The following CADM1 variants were observed in gnomAD, a reference collection of about 807,000 sequenced individuals.
CADM1 encodes the protein TSLC-1.
In CADM1, 15 loss-of-function variants were observed where a neutral mutation model predicts 53.1. The ratio of observed to expected loss-of-function variants is 0.28; its 90% CI spans 0.19 to 0.44. The LOEUF (loss-of-function observed/expected upper bound fraction) is 0.44, where lower values mean the gene tolerates loss of function less well. CADM1 is among the 20% of genes least tolerant of loss of function. The pLI, the probability that CADM1 is intolerant of heterozygous loss-of-function variation, is 1.00. For synonymous variants in CADM1, 281 were observed against 243.0 expected (o/e 1.16, Z -1.45); for missense variants, 434 against 611.3 (o/e 0.71, Z 3.06).
At chr11:115,344,060 C>T (rs967196351) in intron 1 of CADM1, among the ~76,000 whole-genome samples, 7 of 147,216 alleles carry the variant, frequency 4.8e-5, no homozygotes, top group African/African-American at 7.6e-5. Context: ...CCCAAACACT[C>T]ACCTACTTCC....
chr11:115,420,800 C>T (rs531418875), intron 1 of CADM1, among the ~76,000 whole-genome samples: 3 of 152,254 alleles, frequency 2.0e-5, no homozygotes, highest in East Asian at 3.9e-4. Context: ...AAGGCTGTTT[C>T]GTTCTCCTGA....
At chr11:115,433,492 C>T (rs977188095) in intron 1 of CADM1, among the ~76,000 whole-genome samples, 4 of 151,988 alleles carry the variant, frequency 2.6e-5, no homozygotes, top group Admixed American at 1.3e-4. Context: ...GGAGTTTTAC[C>T]GAAAACGGCA....
intron 1 of CADM1, among the ~76,000 whole-genome samples, chr11:115,289,530 C>G (rs187058166): frequency 6.1e-4 from 93 of 151,510 alleles, no homozygotes; most frequent in African/African-American, 2.2e-3. Flanking sequence ...GGTAGTCACT[C>G]AACATATGGG....
rs1938794201 is a variant in CADM1 at position 115,171,627 on chromosome 11, A to T, written c.*4847T>A. ...CGGCTTCTAGCACCTTCTCATTTGC[A>T]TACCCTGTGGAGCTCAAAAGGCAAA... On this transcript the variant is annotated 3_prime_UTR_variant, in exon 12 of 12. Coordinates refer to ENST00000331581, the MANE Select transcript of CADM1 (RefSeq NM_001301043.2). The T allele has an allele frequency of 6.6e-6, 1 of 152,176 alleles. No homozygotes were observed. Among genetic ancestry groups the T allele is most frequent in the Non-Finnish European group, 1.5e-5 (1 of 68,030 alleles). 9.4% of individuals were successfully genotyped at this position (152,176 alleles called of 1,614,324 possible). A position where few individuals can be genotyped will look rare whatever the true frequency, so the allele number is the denominator to read the frequency against.
chr11:115,404,236 G>C (rs1255676473), intron 1 of CADM1, among the ~76,000 whole-genome samples: 1 of 147,034 alleles, frequency 6.8e-6, no homozygotes, highest in Non-Finnish European at 1.5e-5. Flanking sequence ...TGAGGCAGGA[G>C]AATTGCTTGA....
At chr11:115,185,816 AT>A (rs1403898005) in intron 10 of CADM1, among the ~76,000 whole-genome samples, 2 of 152,220 alleles carry the variant, frequency 1.3e-5, no homozygotes, top group African/African-American at 2.4e-5. Context: ...GTTGTCGAGT[AT>A]TTCCAAACAT....
At chr11:115,280,510 A>G (rs1943557957) in intron 1 of CADM1, among the ~76,000 whole-genome samples, 1 of 152,252 alleles carries the variant, frequency 6.6e-6, no homozygotes, top group Non-Finnish European at 1.5e-5. Flanking sequence ...GGAAACAGAA[A>G]GAACAGGGGA....
At chr11:115,254,232 A>G (rs982164099) in intron 1 of CADM1, among the ~76,000 whole-genome samples, 4 of 152,356 alleles carry the variant, frequency 2.6e-5, no homozygotes, top group African/African-American at 9.6e-5. Context: ...GAATAAAATT[A>G]CTAAATGATA....
chr11:115,308,514 T>C (rs1263081901), intron 1 of CADM1, among the ~76,000 whole-genome samples: 1 of 152,014 alleles, frequency 6.6e-6, no homozygotes, highest in East Asian at 1.9e-4. Context: ...AATTTCCATT[T>C]CATGCAAAGC....
intron 1 of CADM1, among the ~76,000 whole-genome samples, chr11:115,314,441 G>T (rs1159306442): frequency 6.6e-6 from 1 of 152,154 alleles, no homozygotes; most frequent in Non-Finnish European, 1.5e-5. Flanking sequence ...CAAAGGACAT[G>T]CTTCACTATA....
chr11:115,361,875 A>C (rs1358729741), intron 1 of CADM1, among the ~76,000 whole-genome samples: 4 of 148,258 alleles, frequency 2.7e-5, no homozygotes, highest in Non-Finnish European at 6.0e-5. Context: ...ATGGGTGTGC[A>C]CCACCACACC....
chr11:115,491,127 T>C (rs748072817), intron 1 of CADM1, among the ~76,000 whole-genome samples: 11 of 152,106 alleles, frequency 7.2e-5, no homozygotes, highest in Non-Finnish European at 1.2e-4. Context: ...GAGGCATTTA[T>C]TTGCCAACTT....
intron 1 of CADM1, among the ~76,000 whole-genome samples, chr11:115,339,259 C>T (rs1945357734): frequency 1.3e-5 from 2 of 152,014 alleles, no homozygotes; most frequent in African/African-American, 4.8e-5. Flanking sequence ...TACCATTTGA[C>T]CCAGCCATCC....
chr11:115,369,026 TAAAAAA>T lies in CADM1; in HGVS notation c.125-128612_125-128607del, dbSNP rs552309443. On this transcript the variant is annotated intron_variant, in intron 1 of 11. Transcript: ENST00000331581. ...GTGCCTAGCAGAGTGAAAAAAAATC[TAAAAAA>T]AAAAAAAAAAAAAAAAAAAAAATTA... Among the ~76,000 whole-genome samples, 38 of 44,746 alleles carry T rather than the reference TAAAAAA, an allele frequency of 8.5e-4. No homozygotes were observed. In the South Asian group the frequency reaches 0.038, roughly 44 times the overall value. The allele number at this position is 44,746 out of a possible 152,430, so 29.4% of individuals were successfully genotyped here.
rs781079503 is a variant in CADM1 at position 115,169,663 on chromosome 11, G to A, written c.*6811C>T. 1.1e-4 allele frequency: 52 copies of A among 454,302 alleles called. 2 individuals are homozygous for A. Among genetic ancestry groups the A allele is most frequent in the South Asian group, 8.1e-4 (52 of 63,982 alleles). The allele number at this position is 454,302 out of a possible 1,614,324, so 28.1% of individuals were successfully genotyped here. On this transcript the variant is annotated 3_prime_UTR_variant, in exon 12 of 12. Coordinates refer to ENST00000331581, the MANE Select transcript of CADM1 (RefSeq NM_001301043.2). Reference sequence around the variant, plus strand: ...GAGAGAAAGAGAAAGAGAGAGAGATGGATAGTAATTTCGTCACTAGCTAAC... The same window carrying A: ...GAGAGAAAGAGAAAGAGAGAGAGATAGATAGTAATTTCGTCACTAGCTAAC...
intron 1 of CADM1, among the ~76,000 whole-genome samples, chr11:115,339,218 T>C (rs1363853872): frequency 6.6e-6 from 1 of 152,122 alleles, no homozygotes; most frequent in Non-Finnish European, 1.5e-5. Context: ...CAAGTCAGTG[T>C]GGCGATTCCT....
At chr11:115,326,325 G>A (rs753741016) in intron 1 of CADM1, among the ~76,000 whole-genome samples, 3 of 152,062 alleles carry the variant, frequency 2.0e-5, no homozygotes, top group Admixed American at 6.6e-5. Context: ...AATAACCTCT[G>A]GTTTCTGGGT....
In CADM1 at chr11:115,231,341, T is replaced by C. The variant is rs1354639784; in HGVS notation, c.562+12A>G. 6.2e-7 allele frequency: 1 copy of C among 1,614,102 alleles called. No individual in the cohort carries two copies. Among genetic ancestry groups the C allele is most frequent in the Non-Finnish European group, 8.5e-7 (1 of 1,179,930 alleles). On this transcript the variant is annotated intron_variant, in intron 4 of 11. Transcript: ENST00000331581. ...AGCTAACTACTTCAGTGTGTGGCAA[T>C]CTGCAGCTTACCTTTTAGCTCTGTG...
chr11:115,386,393 T>A lies in CADM1; in HGVS notation c.124+117878A>T, dbSNP rs184865076. Among the ~76,000 whole-genome samples, 27 of 152,368 alleles carry A rather than the reference T, an allele frequency of 1.8e-4. No individual in the cohort carries two copies. In the East Asian group the frequency reaches 5.2e-3, roughly 29 times the overall value. On this transcript the variant is annotated intron_variant, in intron 1 of 11. Transcript: ENST00000331581. ...AAAAAAACAAAGACACATGTCTTAG[T>A]CTATTTTCTGTTGCTTATAACAGAA...
Sources: allele counts gnomAD v4.1 joint callset (sites outside exome capture counted in the v4.1 genomes callset), GRCh38; gene constraint gnomAD v4.1.1; transcripts MANE v1.5; gene names NCBI Gene and HGNC (gene_info 2026-07-23, HGNC 2026-07-21).